MAP4K5: variants seen among roughly 807,000 people sequenced by gnomAD.
The protein encoded by MAP4K5 is MAPK/ERK kinase kinase kinase 5.
A neutral mutation model predicts 135.6 loss-of-function variants in MAP4K5; 82 were observed. That is an observed-to-expected ratio of 0.60 (90% CI 0.51 to 0.73). The LOEUF (loss-of-function observed/expected upper bound fraction) is 0.73. Among genes scored for constraint, MAP4K5 ranks in the 30% least tolerant of loss-of-function variants. The probability of loss-of-function intolerance (pLI) is 0.00; values close to 1 mark genes in which losing one functional copy is unlikely to be tolerated. For synonymous variants in MAP4K5, 347 were observed against 335.0 expected (o/e 1.04, Z -0.39); for missense variants, 907 against 1,010.9 (o/e 0.90, Z 1.39).
chr14:50,480,481 C>T (rs1257037153), intron 6 of MAP4K5, among the ~76,000 whole-genome samples: 1 of 151,158 alleles, frequency 6.6e-6, no homozygotes, highest in Non-Finnish European at 1.5e-5. Flanking sequence ...CCTCGGGTAA[C>T]CATCCTTCTA....
intron 18 of MAP4K5, 117 bp downstream of exon 18, chr14:50,444,924 G>T: frequency 1.8e-6 from 2 of 1,120,754 alleles, no homozygotes; most frequent in Non-Finnish European, 1.2e-6. Flanking sequence ...AAATAAAAAA[G>T]ATATTTTTTG....
chr14:50,553,225 C>T (rs866002564), intron 1 of MAP4K5, among the ~76,000 whole-genome samples: 59 of 149,576 alleles, frequency 3.9e-4, no homozygotes, highest in Middle Eastern at 3.5e-3. Flanking sequence ...GAGCCGAGAT[C>T]GTGCCACTGC....
chr14:50,557,291 C>T (rs894294576), intron 1 of MAP4K5, among the ~76,000 whole-genome samples: 5 of 152,218 alleles, frequency 3.3e-5, no homozygotes, highest in African/African-American at 9.6e-5. Context: ...ATCCCTACTA[C>T]CCTCTTCCCA....
At chr14:50,484,971 A>C (rs745806790) in intron 5 of MAP4K5, among the ~76,000 whole-genome samples, 3 of 152,190 alleles carry the variant, frequency 2.0e-5, no homozygotes, top group Non-Finnish European at 2.9e-5. Flanking sequence ...AAGAAAAATT[A>C]TAAGGATCTA....
intron 6 of MAP4K5, among the ~76,000 whole-genome samples, chr14:50,479,474 T>A (rs573331297): frequency 6.6e-6 from 1 of 152,300 alleles, no homozygotes; most frequent in South Asian, 2.1e-4. Flanking sequence ...GTTAATTCCA[T>A]CCAAAGCTCA....
intron 2 of MAP4K5, among the ~76,000 whole-genome samples, chr14:50,520,484 G>A (rs1379013315): frequency 1.3e-5 from 2 of 152,150 alleles, no homozygotes; most frequent in Non-Finnish European, 2.9e-5. Context: ...CTGGGCGACA[G>A]AGCAAGACTC....
chr14:50,468,206 T>C (rs973062181), intron 10 of MAP4K5, among the ~76,000 whole-genome samples: 3 of 151,674 alleles, frequency 2.0e-5, no homozygotes, highest in African/African-American at 7.3e-5. Context: ...TAATTCCACA[T>C]AGGACAAAAA....
chr14:50,478,468 T>C (rs960523175), intron 6 of MAP4K5, among the ~76,000 whole-genome samples: 2 of 152,150 alleles, frequency 1.3e-5, no homozygotes, highest in African/African-American at 4.8e-5. Context: ...TTTGCTCATC[T>C]TTTTCTAGCT....
At chr14:50,502,610 T>A (rs1193126905) in intron 3 of MAP4K5, among the ~76,000 whole-genome samples, 12 of 151,996 alleles carry the variant, frequency 7.9e-5, no homozygotes, top group Admixed American at 7.9e-4. Flanking sequence ...AAAAATGATT[T>A]TAAAGTTCTG....
chr14:50,497,488 C>T (rs2037619194), intron 3 of MAP4K5, among the ~76,000 whole-genome samples: 1 of 151,976 alleles, frequency 6.6e-6, no homozygotes, highest in Admixed American at 6.6e-5. Flanking sequence ...AAGAACATAC[C>T]ACGTAACCTG....
At position 50,464,124 on chromosome 14, in the gene MAP4K5, T is replaced by C. The variant is rs1212086216; in HGVS notation, c.747A>G (p.Thr249=). The C allele has an allele frequency of 6.6e-7, 1 of 1,508,168 alleles. No individual in the cohort carries two copies. The highest frequency in any genetic ancestry group is 9.0e-7 in the Non-Finnish European group (1 of 1,108,466). The allele number at this position is 1,508,168 out of a possible 1,614,324, so 93.4% of individuals were successfully genotyped here. A position where few individuals can be genotyped will look rare whatever the true frequency, so the allele number is the denominator to read the frequency against. The change falls in exon 12 of 33, where the codon ACA becomes ACG. Residue 249 remains threonine (T), a synonymous_variant. Coordinates refer to ENST00000682126, the MANE Select transcript of MAP4K5 (RefSeq NM_006575.6). ...GTGCTATTTTGACAAAATTATGGAATGTTGATGACCTTAAAATAAAAAGAG... is the reference window on the plus strand; with the variant it reads ...GTGCTATTTTGACAAAATTATGGAACGTTGATGACCTTAAAATAAAAAGAG... ...KLKDKTKWSS[T]FHNFVKIALT... is the part of the protein sequence containing the mutation.
In MAP4K5 at chr14:50,428,751, A is replaced by C; in HGVS notation, c.2237T>G (p.Phe746Cys). The C allele has an allele frequency of 7.0e-7, 1 of 1,420,108 alleles. No homozygotes were observed. Among genetic ancestry groups the C allele is most frequent in the African/African-American group, 1.5e-5 (1 of 68,068 alleles). 88.0% of individuals were successfully genotyped at this position (1,420,108 alleles called of 1,614,324 possible). The change falls in exon 30 of 33, where the codon TTT (phenylalanine) becomes TGT (cysteine). Residue 746 changes from phenylalanine to cysteine, a missense_variant. This residue lies in a region of MAP4K5 where 690 missense variants were observed against 777.4 expected (regional missense o/e 0.89). Coordinates refer to ENST00000682126, the MANE Select transcript of MAP4K5 (RefSeq NM_006575.6). ...TCCTTGTAGATTTACAATTTTCACA[A>C]ATTCTTAAAAAAAAAAAACAAGTCA... Reference protein sequence around the residue: ...RDTVLVCLDKFVKIVNLQGKL... With the variant: ...RDTVLVCLDKCVKIVNLQGKL...
Position 50,468,815 on chromosome 14 carries a change from T to G in MAP4K5, c.543-33A>C, listed in dbSNP as rs1443971044. The G allele has an allele frequency of 1.9e-6, 3 of 1,573,344 alleles. No individual in the cohort carries two copies. The African/African-American group carries it at 4.0e-5, about 21-fold the overall frequency. ...GAATCAATGAATACAACATTTTTGT[T>G]GTTAAATATTGATCTGAATCTGTTA... On this transcript the variant is annotated intron_variant, in intron 9 of 32. Transcript: ENST00000682126.
At chr14:50,463,891 CAAAAAAAAAAA>C (rs56877870) in intron 12 of MAP4K5, among the ~76,000 whole-genome samples, 150 bp downstream of exon 12, 27 of 70,394 alleles carry the variant, frequency 3.8e-4, no homozygotes, top group African/African-American at 1.3e-3. Flanking sequence ...ACCCTGTTTC[CAAAAAAAAAAA>C]AAAAAAAAAA....
At chr14:50,457,783 T>C (rs1308780263) in intron 13 of MAP4K5, among the ~76,000 whole-genome samples, 1 of 152,184 alleles carries the variant, frequency 6.6e-6, no homozygotes, top group Admixed American at 6.5e-5. Flanking sequence ...CATTGGAATA[T>C]CAAGTCCATT....
intron 1 of MAP4K5, among the ~76,000 whole-genome samples, chr14:50,550,673 A>T (rs2140159395): frequency 6.6e-6 from 1 of 152,378 alleles, no homozygotes; most frequent in Admixed American, 6.5e-5. Context: ...CAATAAACTT[A>T]AGAAAATCAA....
At chr14:50,468,601 T>C in intron 10 of MAP4K5, 50 bp downstream of exon 10, 2 of 1,573,206 alleles carry the variant, frequency 1.3e-6, no homozygotes, top group Non-Finnish European at 1.7e-6. Context: ...GCATTTCACT[T>C]TCCCCATAGA....
At chr14:50,501,109 G>A (rs989754253) in intron 3 of MAP4K5, among the ~76,000 whole-genome samples, 1 of 151,954 alleles carries the variant, frequency 6.6e-6, no homozygotes, top group African/African-American at 2.4e-5. Context: ...CTTAAAAGAA[G>A]GTACACATAG....
intron 3 of MAP4K5, among the ~76,000 whole-genome samples, chr14:50,498,362 A>C (rs1479967350): frequency 6.6e-6 from 1 of 152,246 alleles, no homozygotes; most frequent in Admixed American, 6.5e-5. Flanking sequence ...TCTACTATAA[A>C]AATGAGATAG....
Sources: gnomAD v4.1 joint callset for allele counts (sites outside exome capture counted in the v4.1 genomes callset) on GRCh38, gnomAD v4.1.1 for gene constraint, gnomAD v4.1.1 regional missense constraint, MANE v1.5 for transcripts, NCBI Gene and HGNC (gene_info 2026-07-23, HGNC 2026-07-21) for gene names.